Variants in ATP13A2 observed in about 807,000 individuals in gnomAD.
ATP13A2 encodes polyamine-transporting ATPase 13A2.
A neutral mutation model predicts 138.3 loss-of-function variants in ATP13A2; 83 were observed. The ratio of observed to expected loss-of-function variants is 0.60; its 90% CI spans 0.50 to 0.72. ATP13A2 has a LOEUF of 0.72. Among genes scored for constraint, ATP13A2 ranks in the 30% least tolerant of loss-of-function variants. The pLI is 0.00. For synonymous variants in ATP13A2, 663 were observed against 699.0 expected (o/e 0.95, Z 0.81); for missense variants, 1,402 against 1,606.4 (o/e 0.87, Z 2.17).
At chr1:17,010,357 C>A (rs113959843) in intron 1 of ATP13A2, among the ~76,000 whole-genome samples, 1 of 152,148 alleles carries the variant, frequency 6.6e-6, no homozygotes, top group African/African-American at 2.4e-5. Flanking sequence ...GGATTACAGG[C>A]GTGAGCCACC....
In ATP13A2 at chr1:16,988,482, G is replaced by C; in HGVS notation, c.2610-8C>G. ...CACATGCCCACGCAGTACCTGAAGA[G>C]AGGTGTGGACAGGTGTGGCCTGGGG... On this transcript the variant is annotated splice_region_variant and splice_polypyrimidine_tract_variant and intron_variant, in intron 23 of 28. Coordinates refer to ENST00000326735, the MANE Select transcript of ATP13A2 (RefSeq NM_022089.4). The C allele has an allele frequency of 6.2e-7, 1 of 1,613,718 alleles. No individual in the cohort carries two copies. Among genetic ancestry groups the C allele is most frequent in the Non-Finnish European group, 8.5e-7 (1 of 1,180,030 alleles).
rs2077807167 is a variant in ATP13A2 at position 17,011,749 on chromosome 1, C to G, written c.-11G>C. On this transcript the variant is annotated 5_prime_UTR_variant, in exon 1 of 29. Transcript: ENST00000326735. This position sits in a 1 kb window ranked among gnomAD's most constrained non-coding sequence, Gnocchi z 7.3. ...CTCACCTGCGCTCATGCCGGCTCCT[C>G]GCGCTCATCGCCGGCCCCGGCGCTG... 1.4e-6 allele frequency: 2 copies of G among 1,456,082 alleles called. No homozygotes were observed. Among genetic ancestry groups the G allele is most frequent in the Non-Finnish European group, 1.8e-6 (2 of 1,108,486 alleles). The allele number at this position is 1,456,082 out of a possible 1,614,324, so 90.2% of individuals were successfully genotyped here.
chr1:17,005,906 G>A (rs1454067539), intron 1 of ATP13A2, 128 bp from the exon 2 acceptor site: 27 of 809,080 alleles, frequency 3.3e-5, no homozygotes, highest in Non-Finnish European at 4.1e-5. Context: ...AGGCCGAGGC[G>A]GGTGGATCAC....
chr1:16,987,367 G>T, intron 25 of ATP13A2, 98 bp from the exon 26 acceptor site: 2 of 1,146,650 alleles, frequency 1.7e-6, no homozygotes, highest in Non-Finnish European at 2.6e-6. Flanking sequence ...GAAGGAATCT[G>T]ATGGGTAAGG....
At position 16,996,130 on chromosome 1, in the gene ATP13A2, T is replaced by C; in HGVS notation, c.1388A>G (p.Asp463Gly). 2 of 1,614,028 alleles carry C rather than the reference T, an allele frequency of 1.2e-6. No homozygotes were observed. The highest frequency in any genetic ancestry group is 1.7e-6 in the Non-Finnish European group (2 of 1,180,020). Residue 463 changes from aspartate (D) to glycine (G), a missense_variant, in exon 15 of 29, where the codon GAC becomes GGC. Coordinates refer to ENST00000326735, the MANE Select transcript of ATP13A2 (RefSeq NM_022089.4). ...PLNEIVIRAL[D>G]LVTVVVPPAL... ...AGGTGGCACCACCACGGTCACCAGG[T>C]CGAGAGCCCGGATTACAATCTCATT...
intron 6 of ATP13A2, among the ~76,000 whole-genome samples, chr1:17,002,834 T>A (rs2077409730): frequency 6.6e-6 from 1 of 152,008 alleles, no homozygotes; most frequent in Non-Finnish European, 1.5e-5. Context: ...AATGCACGGG[T>A]GATTTTTGCT....
rs907385435 is a variant in ATP13A2, at chr1:17,004,183, C to T, written c.557+149G>A. 2.6e-6 allele frequency: 2 copies of T among 780,848 alleles called. No homozygotes were observed. The highest frequency in any genetic ancestry group is 2.2e-6 in the Non-Finnish European group (1 of 448,362). The allele number at this position is 780,848 out of a possible 1,614,324, so 48.4% of individuals were successfully genotyped here. ...CCTATTTATAGACAGAGATCCCAGG[C>T]CTGGAGGGGCTCAGTAACCTGCCCA... On this transcript the variant is annotated intron_variant, in intron 6 of 28. Coordinates refer to ENST00000326735, the MANE Select transcript of ATP13A2 (RefSeq NM_022089.4). This position sits in a 1 kb window ranked among gnomAD's most constrained non-coding sequence, Gnocchi z 4.1.
intron 11 of ATP13A2, 71 bp downstream of exon 11, chr1:16,999,940 C>G: frequency 6.7e-7 from 1 of 1,488,738 alleles, no homozygotes; most frequent in Non-Finnish European, 8.9e-7. Context: ...CAAATGAAAA[C>G]TTTTGCCGCA....
At position 16,997,428 on chromosome 1, in the gene ATP13A2, T is replaced by G. The variant is rs1465937191; in HGVS notation, c.1040-253A>C. Among the ~76,000 whole-genome samples the G allele has an allele frequency of 5.3e-3, 418 of 78,754 alleles. 5 individuals are homozygous for G. Among genetic ancestry groups the G allele is most frequent in the African/African-American group, 0.017 (260 of 15,740 alleles). 51.7% of individuals were successfully genotyped at this position (78,754 alleles called of 152,430 possible). Reference sequence around the variant, plus strand: ...CCTGGAACCAGCGGGGGGGGGTGGGTCAGACAGAGCATGTGTGGGCATCAT... The same window carrying G: ...CCTGGAACCAGCGGGGGGGGGTGGGGCAGACAGAGCATGTGTGGGCATCAT... On this transcript the variant is annotated intron_variant, in intron 11 of 28. Coordinates refer to ENST00000326735, the MANE Select transcript of ATP13A2 (RefSeq NM_022089.4).
intron 15 of ATP13A2, among the ~76,000 whole-genome samples, chr1:16,994,196 TC>T (rs915358857): frequency 1.4e-5 from 2 of 146,690 alleles, no homozygotes; most frequent in South Asian, 2.2e-4. Flanking sequence ...TCTCTCTCTC[TC>T]ATTTATTTAT....
rs753707797 is a variant in ATP13A2, at chr1:17,000,537, G to T, written c.706-3C>A. On this transcript the variant is annotated splice_polypyrimidine_tract_variant and splice_region_variant and intron_variant, in intron 8 of 28. Transcript: ENST00000326735. ...AACCCATAGTAGGGGTTCAGTGCCTGGGGGAGGGGCGGGAGGCAGCGTCAG... is the reference window on the plus strand; with the variant it reads ...AACCCATAGTAGGGGTTCAGTGCCTTGGGGAGGGGCGGGAGGCAGCGTCAG... The T allele has an allele frequency of 3.1e-6, 5 of 1,613,088 alleles. No individual in the cohort carries two copies. The African/African-American group carries it at 4.0e-5, about 13-fold the overall frequency.
intron 1 of ATP13A2, among the ~76,000 whole-genome samples, chr1:17,007,575 C>T (rs1182785566): frequency 1.6e-4 from 20 of 128,122 alleles, no homozygotes; most frequent in African/African-American, 5.7e-4. Flanking sequence ...TTTTTGAGAG[C>T]GAGTCTCGCT....
At chr1:16,998,051 A>G (rs1337518565) in intron 11 of ATP13A2, among the ~76,000 whole-genome samples, 1 of 152,184 alleles carries the variant, frequency 6.6e-6, no homozygotes, top group African/African-American at 2.4e-5. Context: ...GGCTGGGACT[A>G]TTGAGCACCT....
At chr1:17,010,113 C>T (rs1022090984) in intron 1 of ATP13A2, among the ~76,000 whole-genome samples, 2 of 149,544 alleles carry the variant, frequency 1.3e-5, no homozygotes, top group African/African-American at 2.5e-5. Context: ...CCCCCCTGCC[C>T]GTCTCCCAGG....
Position 17,004,330 on chromosome 1 carries a change from A to C in ATP13A2, c.557+2T>G. On this transcript the variant is annotated splice_donor_variant, in intron 6 of 28. Coordinates refer to ENST00000326735, the MANE Select transcript of ATP13A2 (RefSeq NM_022089.4). LOFTEE classifies it high-confidence loss of function. This position sits in a 1 kb window ranked among gnomAD's most constrained non-coding sequence, Gnocchi z 4.1. ...ATGAGCCACACAGGCCCTGACTCCT[A>C]CCTGACCTGGTAGAAGGCTTGCTGG... is the stretch of plus-strand genomic sequence containing the variant. The C allele has an allele frequency of 6.2e-7, 1 of 1,613,560 alleles. No homozygotes were observed. The highest frequency in any genetic ancestry group is 1.1e-5 in the South Asian group (1 of 90,954).
At chr1:16,990,339 C>T in intron 20 of ATP13A2, 52 bp from the exon 21 acceptor site, 1 of 1,608,580 alleles carries the variant, frequency 6.2e-7, no homozygotes, top group Non-Finnish European at 8.5e-7. Context: ...GGAGGCCATC[C>T]TCATCCTGAT....
Position 17,004,566 on chromosome 1 carries a change from A to G in ATP13A2, c.477+126T>C. The G allele has an allele frequency of 6.3e-7, 1 of 1,586,420 alleles. No homozygotes were observed. The stretch of plus-strand genomic sequence containing the variant: ...GGCCTGAAAGTGTAAACGTGCTCAG[A>G]CAGCATCCTGGATGTTTGGGACAAC... On this transcript the variant is annotated intron_variant, in intron 5 of 28. Transcript: ENST00000326735. This position sits in a 1 kb window ranked among gnomAD's most constrained non-coding sequence, Gnocchi z 4.1.
At position 16,988,725 on chromosome 1, in the gene ATP13A2, T is replaced by C. The variant is rs146038633; in HGVS notation, c.2610-251A>G. Among the ~76,000 whole-genome samples the C allele has an allele frequency of 9.4e-3, 1,436 of 152,160 alleles. 26 individuals are homozygous for C. Among genetic ancestry groups the C allele is most frequent in the African/African-American group, 0.033 (1,376 of 41,492 alleles). On this transcript the variant is annotated intron_variant, in intron 23 of 28. Coordinates refer to ENST00000326735, the MANE Select transcript of ATP13A2 (RefSeq NM_022089.4). ...TCAGCTCACTGCAACCTCTGCCTCC[T>C]GGGCTCAAGTGATTCTCCTGCTTCA...
At position 16,992,010 on chromosome 1, in the gene ATP13A2, T is replaced by C. The variant is rs1272490033; in HGVS notation, c.2125A>G (p.Arg709Gly). The C allele has an allele frequency of 6.2e-7, 1 of 1,612,348 alleles. No homozygotes were observed. Among genetic ancestry groups the C allele is most frequent in the African/African-American group, 1.3e-5 (1 of 74,932 alleles). The change falls in exon 19 of 29, where the codon AGG (arginine) becomes GGG (glycine). Residue 709 changes from arginine to glycine, a missense_variant and splice_region_variant. Transcript: ENST00000326735. ...PSLEAAQQLTRDTVEGDLSLL... is the reference protein window; with the variant it reads ...PSLEAAQQLTGDTVEGDLSLL... Reference sequence around the variant, plus strand: ...GGGTGGGACAGGAGACAGGCCCACCTCGTCAGTTGCTGGGCTGCCTCCAGG... The same window carrying C: ...GGGTGGGACAGGAGACAGGCCCACCCCGTCAGTTGCTGGGCTGCCTCCAGG...
Sources: allele counts gnomAD v4.1 joint callset (sites outside exome capture counted in the v4.1 genomes callset), GRCh38; gene constraint gnomAD v4.1.1; non-coding constraint Gnocchi (gnomAD v3.1); transcripts MANE v1.5; gene names NCBI Gene and HGNC (gene_info 2026-07-23, HGNC 2026-07-21).